The following EYS variants were observed in gnomAD, a reference collection of about 807,000 sequenced individuals.
The protein encoded by EYS is EGF-like photoreceptor maintenance factor.
EYS carries 250 observed loss-of-function variants against 282.1 expected under a neutral mutation model. The ratio of observed to expected loss-of-function variants is 0.89; its 90% CI spans 0.80 to 0.98. EYS has a LOEUF of 0.98. Among genes scored for constraint, EYS ranks in the 50% least tolerant of loss-of-function variants. EYS has a pLI of 0.00. For synonymous variants in EYS, 1,355 were observed against 1,282.9 expected, an observed-to-expected ratio of 1.06 and a Z score of -1.20; for missense variants, 4,016 against 3,709.0, an observed-to-expected ratio of 1.08 and a Z score of -2.15.
intron 33 of EYS, among the ~76,000 whole-genome samples, chr6:64,041,257 A>C (rs1770376806): frequency 6.6e-6 from 1 of 151,984 alleles, no homozygotes; most frequent in African/African-American, 2.4e-5. Flanking sequence ...TGGTGTGTAT[A>C]GTGTGTATGA....
At chr6:64,922,032 G>A (rs990294872) in intron 15 of EYS, among the ~76,000 whole-genome samples, 9 of 152,120 alleles carry the variant, frequency 5.9e-5, no homozygotes, top group African/African-American at 2.2e-4. Context: ...AGAGTGTTTG[G>A]GGTAGAAGAA....
At chr6:63,959,747 C>T (rs1402946535) in intron 35 of EYS, among the ~76,000 whole-genome samples, 1 of 152,126 alleles carries the variant, frequency 6.6e-6, no homozygotes, top group Non-Finnish European at 1.5e-5. Flanking sequence ...TCATCCTCAG[C>T]AAAGTAACAC....
At chr6:64,881,250 T>A (rs1386096279) in intron 19 of EYS, among the ~76,000 whole-genome samples, 1 of 151,802 alleles carries the variant, frequency 6.6e-6, no homozygotes, top group Non-Finnish European at 1.5e-5. Flanking sequence ...TCTTTCAATA[T>A]GAGAAGCCTA....
chr6:65,515,888 A>C (rs1562235299), intron 2 of EYS, among the ~76,000 whole-genome samples: 1 of 151,620 alleles, frequency 6.6e-6, no homozygotes, highest in African/African-American at 2.4e-5. Context: ...ACATGTATAC[A>C]TATGTAACTA....
chr6:64,542,241 G>T (rs1187004259), intron 26 of EYS, among the ~76,000 whole-genome samples: 8 of 151,964 alleles, frequency 5.3e-5, no homozygotes, highest in Non-Finnish European at 1.2e-4. Context: ...TATTAATATT[G>T]CTGTCACAGT....
At chr6:64,857,662 A>G (rs1452324754) in intron 19 of EYS, among the ~76,000 whole-genome samples, 1 of 152,126 alleles carries the variant, frequency 6.6e-6, no homozygotes, top group Non-Finnish European at 1.5e-5. Context: ...TTCTATTTTT[A>G]GTTTTTAGAG....
chr6:64,469,685 T>A (rs1415487765), intron 26 of EYS, among the ~76,000 whole-genome samples: 1 of 151,952 alleles, frequency 6.6e-6, no homozygotes, highest in East Asian at 2.0e-4. Context: ...CACCCGCTAC[T>A]TAGTGGACCG....
At chr6:65,402,355 A>G in intron 7 of EYS, 123 bp downstream of exon 7, 3 of 575,134 alleles carry the variant, frequency 5.2e-6, no homozygotes, top group Non-Finnish European at 8.9e-6. Flanking sequence ...TTAACTTCAA[A>G]TAGAATATTA....
At chr6:64,290,591 A>G (rs1394730621) in intron 30 of EYS, among the ~76,000 whole-genome samples, 2 of 151,892 alleles carry the variant, frequency 1.3e-5, no homozygotes, top group African/African-American at 4.8e-5. Context: ...GTTATATTCA[A>G]TGGGACTGAG....
At chr6:63,884,694 C>T (rs998006538) in intron 35 of EYS, among the ~76,000 whole-genome samples, 13 of 152,056 alleles carry the variant, frequency 8.5e-5, no homozygotes, top group East Asian at 1.9e-4. Flanking sequence ...TCCTGATTTT[C>T]GAAATCTTAG....
At chr6:65,220,687 ATGGAAGTGACTT>A (rs1449775605) in intron 12 of EYS, among the ~76,000 whole-genome samples, 1 of 152,154 alleles carries the variant, frequency 6.6e-6, no homozygotes, top group Non-Finnish European at 1.5e-5. Flanking sequence ...ACCCAAAAAT[ATGGAAGTGACTT>A]TGGAACTGGG....
chr6:64,965,073 C>T (rs1220148608), intron 14 of EYS, among the ~76,000 whole-genome samples: 2 of 151,836 alleles, frequency 1.3e-5, no homozygotes, highest in African/African-American at 4.8e-5. Context: ...AACAATTTAC[C>T]CTCATGCCCA....
chr6:65,202,988 C>T (rs1185900684), intron 12 of EYS, among the ~76,000 whole-genome samples: 1 of 152,176 alleles, frequency 6.6e-6, no homozygotes, highest in Non-Finnish European at 1.5e-5. Context: ...TGCCAGCTCA[C>T]CAGACCCAGT....
At chr6:64,551,953 A>C (rs1048823219) in intron 26 of EYS, among the ~76,000 whole-genome samples, 1 of 152,168 alleles carries the variant, frequency 6.6e-6, no homozygotes, top group African/African-American at 2.4e-5. Context: ...TTAGCTATCG[A>C]TGACAAATCC....
intron 8 of EYS, among the ~76,000 whole-genome samples, chr6:65,378,338 C>A (rs75236547): frequency 6.6e-6 from 1 of 152,074 alleles, no homozygotes; most frequent in Non-Finnish European, 1.5e-5. Context: ...CAATGAGATA[C>A]CATCTCATGG....
chr6:64,044,430 T>C (rs1770529326), intron 33 of EYS, among the ~76,000 whole-genome samples: 1 of 152,178 alleles, frequency 6.6e-6, no homozygotes, highest in Admixed American at 6.5e-5. Flanking sequence ...TGATGAAGGC[T>C]AAAATCAAAA....
At chr6:65,325,774 T>A (rs1485221489) in intron 11 of EYS, among the ~76,000 whole-genome samples, 1 of 152,140 alleles carries the variant, frequency 6.6e-6, no homozygotes, top group East Asian at 1.9e-4. Context: ...AGTGTCGAGA[T>A]CATTTTTTAG....
intron 22 of EYS, among the ~76,000 whole-genome samples, chr6:64,658,667 C>T (rs965721465): frequency 9.9e-5 from 15 of 152,170 alleles, no homozygotes; most frequent in African/African-American, 1.9e-4. Context: ...TGCAGAACAG[C>T]GGATATTGGT....
intron 22 of EYS, among the ~76,000 whole-genome samples, chr6:64,794,479 C>G (rs1388916148): frequency 6.6e-6 from 1 of 152,138 alleles, no homozygotes; most frequent in African/African-American, 2.4e-5. Context: ...CTCTCACTCT[C>G]TCTTCTGCCC....
Sources: gnomAD v4.1 joint callset for allele counts (sites outside exome capture counted in the v4.1 genomes callset) on GRCh38, gnomAD v4.1.1 for gene constraint, MANE v1.5 for transcripts, NCBI Gene and HGNC (gene_info 2026-07-23, HGNC 2026-07-21) for gene names.